AKAP7: variants seen among roughly 807,000 people sequenced by gnomAD.
AKAP7 encodes A kinase (PRKA) anchor protein 7.
A neutral mutation model predicts 39.5 loss-of-function variants in AKAP7; 39 were observed. That is an observed-to-expected ratio of 0.99 (90% CI 0.76 to 1.29). The LOEUF (loss-of-function observed/expected upper bound fraction) is 1.29. Among genes scored for constraint, AKAP7 ranks in the 50% most tolerant of loss-of-function variants. The pLI is 0.00. For synonymous variants in AKAP7, 140 were observed against 139.1 expected (o/e 1.01, Z -0.05); for missense variants, 414 against 407.7 (o/e 1.02, Z -0.13).
intron 1 of AKAP7, among the ~76,000 whole-genome samples, chr6:131,142,457 C>G (rs1801127683): frequency 6.6e-6 from 1 of 152,206 alleles, no homozygotes; most frequent in African/African-American, 2.4e-5. Context: ...CACTGTAAGC[C>G]TTGGGGGCTT....
intron 1 of AKAP7, among the ~76,000 whole-genome samples, chr6:131,142,896 G>A (rs1217184680): frequency 2.0e-5 from 3 of 152,260 alleles, no homozygotes; most frequent in African/African-American, 7.2e-5. Context: ...CTGGATGTGG[G>A]ACATGGAGTT....
At chr6:131,191,420 A>G (rs1806392579) in intron 5 of AKAP7, among the ~76,000 whole-genome samples, 1 of 152,184 alleles carries the variant, frequency 6.6e-6, no homozygotes, top group Admixed American at 6.5e-5. Context: ...ATTGTTAGGA[A>G]TACACTCTCA....
At chr6:131,183,079 C>G (rs1341243830) in intron 5 of AKAP7, among the ~76,000 whole-genome samples, 1 of 152,080 alleles carries the variant, frequency 6.6e-6, no homozygotes, top group Non-Finnish European at 1.5e-5. Flanking sequence ...GGAGATAAAC[C>G]ATCCAGCAGA....
chr6:131,248,696 A>G (rs555737456), intron 7 of AKAP7, among the ~76,000 whole-genome samples: 2 of 152,332 alleles, frequency 1.3e-5, no homozygotes, highest in South Asian at 4.1e-4. Flanking sequence ...TCACGTCTCC[A>G]GTGTTCAAAA....
chr6:131,213,869 C>G (rs1171766307), intron 6 of AKAP7, among the ~76,000 whole-genome samples: 1 of 152,112 alleles, frequency 6.6e-6, no homozygotes, highest in African/African-American at 2.4e-5. Context: ...TTGCAGTGTT[C>G]TAGCGCTGTG....
At chr6:131,172,089 ATAGC>A (rs1404842184) in intron 5 of AKAP7, among the ~76,000 whole-genome samples, 1 of 152,192 alleles carries the variant, frequency 6.6e-6, no homozygotes, top group African/African-American at 2.4e-5. Context: ...AAAACAAATG[ATAGC>A]TAGAAGTTTT....
chr6:131,259,842 G>A (rs749203185), intron 7 of AKAP7, among the ~76,000 whole-genome samples: 53 of 152,284 alleles, frequency 3.5e-4, no homozygotes, highest in Non-Finnish European at 6.2e-4. Flanking sequence ...TGCAGAGTGT[G>A]CAGGTTTGTT....
At chr6:131,159,570 C>T (rs1265617326) in intron 2 of AKAP7, among the ~76,000 whole-genome samples, 1 of 152,214 alleles carries the variant, frequency 6.6e-6, no homozygotes, top group Non-Finnish European at 1.5e-5. Flanking sequence ...AAAGCATTCT[C>T]TTAATTTTTG....
rs766186217 is a variant in AKAP7 at position 131,281,653 on chromosome 6, C to T, written c.974C>T (p.Pro325Leu). ...GAGGAAACACAGAATAAAAACAAGC[C>T]GGGGGAGGGGAGCTCTGTGAAAACC... ...YLEETQNKNK[P>L]GEGSSVKTEA... Residue 325 changes from proline to leucine, a missense_variant, in exon 8 of 8, where the codon CCG (proline) becomes CTG (leucine). By Grantham distance (98) the Pro-to-Leu change is moderately conservative (BLOSUM62 -3). Coordinates refer to ENST00000431975, the MANE Select transcript of AKAP7 (RefSeq NM_016377.4). The surrounding 1 kb of genome is among the most constrained non-coding windows in gnomAD (Gnocchi z 4.0). 1.2e-5 allele frequency: 19 copies of T among 1,613,220 alleles called. No homozygotes were observed. The highest frequency in any genetic ancestry group is 3.3e-5 in the Admixed American group (2 of 59,920).
At chr6:131,136,740 T>C in intron 1 of AKAP7, 1 of 448,144 alleles carries the variant, frequency 2.2e-6, no homozygotes, top group Non-Finnish European at 2.9e-6. Context: ...TTCTCCCTAA[T>C]AATTTGGATT....
the AKAP7 span, among the ~76,000 whole-genome samples, chr6:131,128,577 C>T: frequency 1.3e-5 from 2 of 152,020 alleles, no homozygotes; most frequent in African/African-American, 4.8e-5. Context: ...AATCCCAGAG[C>T]TTTGGGAGGC....
intron 4 of AKAP7, among the ~76,000 whole-genome samples, chr6:131,166,407 C>CCAATAGGAG (rs1239140146): frequency 6.6e-6 from 1 of 152,196 alleles, no homozygotes; most frequent in African/African-American, 2.4e-5. Context: ...AGAAACAGCA[C>CCAATAGGAG]CAATAGGAGC....
chr6:131,206,537 T>C (rs917841844), intron 6 of AKAP7, among the ~76,000 whole-genome samples: 1 of 152,044 alleles, frequency 6.6e-6, no homozygotes, highest in African/African-American at 2.4e-5. Context: ...GGAGAGCATA[T>C]GGTTGAAAAT....
intron 1 of AKAP7, among the ~76,000 whole-genome samples, chr6:131,140,459 G>GA (rs1800937113): frequency 6.6e-6 from 1 of 152,186 alleles, no homozygotes; most frequent in African/African-American, 2.4e-5. Flanking sequence ...TTTAAAAATT[G>GA]ACTTAATTTA....
At chr6:131,252,917 C>CTAAT in intron 7 of AKAP7, 1 of 959,248 alleles carries the variant, frequency 1.0e-6, no homozygotes. Context: ...CTCACTTCTT[C>CTAAT]TAATTCTGTA....
At chr6:131,141,366 T>G (rs1258397721) in intron 1 of AKAP7, among the ~76,000 whole-genome samples, 6 of 152,190 alleles carry the variant, frequency 3.9e-5, no homozygotes, top group Non-Finnish European at 8.8e-5. Context: ...CCTTCCACTA[T>G]GATTATAAGC....
intron 2 of AKAP7, among the ~76,000 whole-genome samples, chr6:131,147,817 G>A (rs1801597835): frequency 6.6e-6 from 1 of 152,170 alleles, no homozygotes; most frequent in Non-Finnish European, 1.5e-5. Flanking sequence ...TTGGAACAAG[G>A]GATGAGTCTG....
chr6:131,281,042 C>T lies in AKAP7; in HGVS notation c.851-488C>T, dbSNP rs1252291427. ...GTAACTGCCTTTATCTTCAAGGCAG[C>T]ACTGAGCATTTATTAACAACCAACC... On this transcript the variant is annotated intron_variant, in intron 7 of 7. Transcript: ENST00000431975. The surrounding 1 kb of genome is among the most constrained non-coding windows in gnomAD (Gnocchi z 4.0). 6.6e-6 allele frequency among the ~76,000 whole-genome samples: 1 copy of T among 152,134 alleles called. No individual in the cohort carries two copies. The highest frequency in any genetic ancestry group is 2.4e-5 in the African/African-American group (1 of 41,430).
intron 7 of AKAP7, chr6:131,250,617 G>A: frequency 6.2e-7 from 1 of 1,613,870 alleles, no homozygotes; most frequent in Non-Finnish European, 8.5e-7. Context: ...GGAAAAATCA[G>A]TAAGTGGGAT....
Sources: allele counts gnomAD v4.1 joint callset (sites outside exome capture counted in the v4.1 genomes callset), GRCh38; gene constraint gnomAD v4.1.1; non-coding constraint Gnocchi (gnomAD v3.1); transcripts MANE v1.5; gene names NCBI Gene and HGNC (gene_info 2026-07-23, HGNC 2026-07-21).